Variants in CSMD1 observed in about 807,000 individuals in gnomAD.
The protein encoded by CSMD1 is CUB and sushi domain-containing protein 1.
Under a neutral mutation model 417.5 loss-of-function variants are expected in CSMD1, and 213 were observed. That is an observed-to-expected ratio of 0.51 (90% CI 0.46 to 0.57). The LOEUF (loss-of-function observed/expected upper bound fraction) is 0.57. CSMD1 is among the 20% of genes least tolerant of loss of function. The pLI is 0.00. For missense variants in CSMD1, 6,923 were observed against 4,529.7 expected, an observed-to-expected ratio of 1.53 and a Z score of -15.17; for synonymous variants, 2,862 against 1,736.8, an observed-to-expected ratio of 1.65 and a Z score of -16.11.
At chr8:4,887,711 G>C (rs1490889819) in intron 1 of CSMD1, among the ~76,000 whole-genome samples, 1 of 151,662 alleles carries the variant, frequency 6.6e-6, no homozygotes, top group Admixed American at 6.6e-5. Flanking sequence ...TGCTTTGTTG[G>C]TAGGTGCATA....
chr8:4,281,303 C>T (rs1416531759), intron 3 of CSMD1, among the ~76,000 whole-genome samples: 4 of 152,152 alleles, frequency 2.6e-5, no homozygotes, highest in Non-Finnish European at 4.4e-5. Flanking sequence ...GATATGAAAA[C>T]CTGATAGTAA....
chr8:4,345,951 T>A (rs1563077547), intron 3 of CSMD1, among the ~76,000 whole-genome samples: 1 of 152,102 alleles, frequency 6.6e-6, no homozygotes, highest in Non-Finnish European at 1.5e-5. Flanking sequence ...GTTTTCAAAC[T>A]ACGCTCTTCA....
chr8:4,119,035 G>C (rs576893047), intron 3 of CSMD1, among the ~76,000 whole-genome samples: 1 of 152,130 alleles, frequency 6.6e-6, no homozygotes, highest in Non-Finnish European at 1.5e-5. Flanking sequence ...AGTGGGAGTT[G>C]AATAATGAGA....
chr8:4,752,873 C>G (rs1263983115), intron 1 of CSMD1, among the ~76,000 whole-genome samples: 2 of 152,150 alleles, frequency 1.3e-5, no homozygotes, highest in Admixed American at 1.3e-4. Flanking sequence ...ATCAGCATGT[C>G]TTTTCTCCCA....
intron 3 of CSMD1, among the ~76,000 whole-genome samples, chr8:4,236,529 G>C (rs757711978): frequency 1.4e-4 from 22 of 152,134 alleles, no homozygotes; most frequent in Non-Finnish European, 3.1e-4. Flanking sequence ...AAGTTAGCGA[G>C]ATTTCATGTG....
At position 2,963,335 on chromosome 8, in the gene CSMD1, C is replaced by T. The variant is rs777584729; in HGVS notation, c.9341G>A (p.Arg3114His). The stretch of plus-strand genomic sequence containing the variant: ...GCTGTAACTTATGCTGGAGCCCCAG[C>T]GGAAATCACTTCCCTCCACTGTTCC... ...QNGTVEGSDF[R>H]WGSSISYSCM... Residue 3114 changes from arginine (R) to histidine (H), a missense_variant, in exon 60 of 70, where the codon CGC becomes CAC. Transcript: ENST00000635120. The T allele has an allele frequency of 8.1e-6, 13 of 1,613,794 alleles. No individual in the cohort carries two copies. The highest frequency in any genetic ancestry group is 4.0e-5 in the African/African-American group (3 of 74,912).
chr8:3,815,095 A>C (rs920566638), intron 5 of CSMD1, among the ~76,000 whole-genome samples: 1 of 152,152 alleles, frequency 6.6e-6, no homozygotes, highest in African/African-American at 2.4e-5. Context: ...TGAGCTGTAC[A>C]TTTTTTCAGA....
At chr8:3,645,614 T>C (rs553272355) in intron 7 of CSMD1, among the ~76,000 whole-genome samples, 1 of 152,240 alleles carries the variant, frequency 6.6e-6, no homozygotes, top group Non-Finnish European at 1.5e-5. Flanking sequence ...CAAGGGATCA[T>C]GGGAAGAGTC....
At chr8:3,145,647 C>A (rs569498140) in intron 40 of CSMD1, among the ~76,000 whole-genome samples, 3 of 152,312 alleles carry the variant, frequency 2.0e-5, no homozygotes, top group South Asian at 2.1e-4. Flanking sequence ...CAGCTCTAAT[C>A]TGGCTTAAAA....
At chr8:3,958,747 TCACA>T (rs1179675815) in intron 5 of CSMD1, among the ~76,000 whole-genome samples, 2 of 152,154 alleles carry the variant, frequency 1.3e-5, no homozygotes, top group African/African-American at 2.4e-5. Context: ...ATGGGTGAGG[TCACA>T]CAAAGCACCC....
intron 2 of CSMD1, among the ~76,000 whole-genome samples, chr8:4,582,048 A>G (rs1799444528): frequency 6.6e-6 from 1 of 152,026 alleles, no homozygotes; most frequent in Non-Finnish European, 1.5e-5. Flanking sequence ...AGAAGCAGTC[A>G]TGGGACACTG....
At chr8:3,962,805 G>A (rs1427458249) in intron 5 of CSMD1, among the ~76,000 whole-genome samples, 1 of 152,144 alleles carries the variant, frequency 6.6e-6, no homozygotes, top group Non-Finnish European at 1.5e-5. Flanking sequence ...AACATTGAGG[G>A]CAATAAGTTT....
In CSMD1 at chr8:4,888,531, T is replaced by C. The variant is rs111413344; in HGVS notation, c.85+105801A>G. ...AGAGAGAGAGAGAGAGAGAGAGAGGTATGTGTGTGTTTATGTGAGAGTCTA... is the reference window on the plus strand; with the variant it reads ...AGAGAGAGAGAGAGAGAGAGAGAGGCATGTGTGTGTTTATGTGAGAGTCTA... On this transcript the variant is annotated intron_variant, in intron 1 of 69. Coordinates refer to ENST00000635120, the MANE Select transcript of CSMD1 (RefSeq NM_033225.6). Among the ~76,000 whole-genome samples, 984 of 146,284 alleles carry C rather than the reference T, an allele frequency of 6.7e-3. 16 individuals carry two copies. The highest frequency in any genetic ancestry group is 0.024 in the African/African-American group (951 of 39,498).
chr8:3,690,810 A>G (rs563590031), intron 7 of CSMD1, among the ~76,000 whole-genome samples: 1 of 152,316 alleles, frequency 6.6e-6, no homozygotes, highest in Admixed American at 6.5e-5. Context: ...TCATATTCTA[A>G]TTTTCTAAAC....
chr8:3,325,744 A>C (rs1339455143), intron 23 of CSMD1, among the ~76,000 whole-genome samples: 1 of 152,154 alleles, frequency 6.6e-6, no homozygotes, highest in African/African-American at 2.4e-5. Context: ...GAATTGCTTG[A>C]ACCCGGGAGG....
chr8:4,254,484 T>A (rs1170455637), intron 3 of CSMD1, among the ~76,000 whole-genome samples: 2 of 152,166 alleles, frequency 1.3e-5, no homozygotes, highest in Non-Finnish European at 2.9e-5. Flanking sequence ...AATGTTGTAG[T>A]GCAATTACTT....
At chr8:3,227,262 T>A (rs1388423015) in intron 27 of CSMD1, among the ~76,000 whole-genome samples, 1 of 151,646 alleles carries the variant, frequency 6.6e-6, no homozygotes, top group Non-Finnish European at 1.5e-5. Context: ...TTAGCCGGGC[T>A]TGGTGGTGGG....
intron 46 of CSMD1, among the ~76,000 whole-genome samples, 175 bp downstream of exon 46, chr8:3,106,353 G>A (rs35840839): frequency 0.071 from 10,739 of 152,122 alleles, 504 homozygotes; most frequent in Middle Eastern, 0.14. Flanking sequence ...AGCCATGATT[G>A]CACCACTGTA....
At chr8:4,317,410 A>G (rs186654523) in intron 3 of CSMD1, among the ~76,000 whole-genome samples, 1 of 152,184 alleles carries the variant, frequency 6.6e-6, no homozygotes, top group Non-Finnish European at 1.5e-5. Context: ...AAATGGTTAC[A>G]AAACCAGTTA....
Sources: gnomAD v4.1 joint callset for allele counts (sites outside exome capture counted in the v4.1 genomes callset) on GRCh38, gnomAD v4.1.1 for gene constraint, MANE v1.5 for transcripts, NCBI Gene and HGNC (gene_info 2026-07-23, HGNC 2026-07-21) for gene names.